Variants in MYO15A observed in about 807,000 individuals in gnomAD.
MYO15A encodes myosin XVA, also known as unconventional myosin-XV.
Under a neutral mutation model 394.6 loss-of-function variants are expected in MYO15A, and 308 were observed. The observed-to-expected ratio is 0.78, with a 90% CI of 0.71 to 0.86. The LOEUF (loss-of-function observed/expected upper bound fraction) is 0.86. MYO15A is among the 40% of genes least tolerant of loss of function. The pLI is 0.00. For synonymous variants in MYO15A, 1,957 were observed against 2,003.8 expected, an observed-to-expected ratio of 0.98 and a Z score of 0.62; for missense variants, 4,606 against 4,799.1, an observed-to-expected ratio of 0.96 and a Z score of 1.19.
chr17:18,122,576 C>G, intron 2 of MYO15A, 167 bp downstream of exon 2: 1 of 1,086,480 alleles, frequency 9.2e-7, no homozygotes, highest in African/African-American at 1.6e-5. Flanking sequence ...CCCAGAACCT[C>G]TGGAGGGTTG....
chr17:18,142,322 C>T (rs2046396866), intron 24 of MYO15A, 68 bp downstream of exon 24: 5 of 1,546,730 alleles, frequency 3.2e-6, no homozygotes, highest in African/African-American at 1.4e-5. Flanking sequence ...CACGCCTGAA[C>T]TTAGGTGGTG....
chr17:18,120,137 AG>A lies in MYO15A; in HGVS notation c.1341del (p.Thr448ProfsTer38). On this transcript the variant is annotated frameshift_variant, in exon 2 of 66. Coordinates refer to ENST00000647165, the MANE Select transcript of MYO15A (RefSeq NM_016239.4). LOFTEE classifies it high-confidence loss of function. ...EEPEDAGVER[Q>X]GTSFRLPSAA... is the part of the protein sequence containing the mutation. ...CCAGAGGACGCGGGCGTAGAGCGTC[AG>A]GGGACCTCCTTCCGCCTGCCCAGCG... 6.2e-6 allele frequency: 10 copies of A among 1,612,940 alleles called. No homozygotes were observed. The highest frequency in any genetic ancestry group is 8.5e-6 in the Non-Finnish European group (10 of 1,179,954).
At position 18,148,469 on chromosome 17, in the gene MYO15A, C is replaced by T; in HGVS notation, c.6692-27C>T. 1 of 1,551,518 alleles carries T rather than the reference C, an allele frequency of 6.4e-7. No homozygotes were observed. The highest frequency in any genetic ancestry group is 8.7e-7 in the Non-Finnish European group (1 of 1,147,004). The stretch of plus-strand genomic sequence containing the variant: ...CCAAACTGGACTCAGATGCTCCAAC[C>T]TGAGCCCGGCACCTGCTGCGCCCCA... On this transcript the variant is annotated intron_variant, in intron 31 of 65. Coordinates refer to ENST00000647165, the MANE Select transcript of MYO15A (RefSeq NM_016239.4). This position sits in a 1 kb window ranked among gnomAD's most constrained non-coding sequence, Gnocchi z 4.8.
At chr17:18,130,755 C>T in intron 7 of MYO15A, 50 bp from the exon 8 acceptor site, 4 of 1,610,706 alleles carry the variant, frequency 2.5e-6, no homozygotes, top group Non-Finnish European at 3.4e-6. Context: ...CTAGTGACTC[C>T]ATTCTGTTCT....
chr17:18,151,350 C>T (rs370931822), intron 39 of MYO15A, 45 bp from the exon 40 acceptor site: 1 of 1,614,070 alleles, frequency 6.2e-7, no homozygotes, highest in African/African-American at 1.3e-5. Context: ...TGTGGTTGTG[C>T]CCCTTGTGGC....
intron 11 of MYO15A, 149 bp from the exon 12 acceptor site, chr17:18,133,076 G>C: frequency 1.3e-6 from 1 of 788,824 alleles, no homozygotes; most frequent in South Asian, 1.5e-5. Flanking sequence ...GTCCTCAGCC[G>C]TGCTCAGAGC....
At position 18,156,241 on chromosome 17, in the gene MYO15A, G is replaced by T; in HGVS notation, c.8506G>T (p.Glu2836Ter). The T allele has an allele frequency of 6.2e-7, 1 of 1,614,172 alleles. No homozygotes were observed. Among genetic ancestry groups the T allele is most frequent in the Non-Finnish European group, 8.5e-7 (1 of 1,180,024 alleles). The stretch of plus-strand genomic sequence containing the variant: ...GACCATGCCCTCCCAGAACATGCTG[G>T]AGTTCAACCTGGCCAGTGAGAAGGT... ...FVTMPSQNML[E>*]FNLASEKVIL... The change falls in exon 48 of 66, where the codon GAG becomes TAG. Residue 2836 changes from glutamate (E) to a stop codon, truncating the protein, a stop_gained. Transcript: ENST00000647165. LOFTEE classifies it high-confidence loss of function.
At chr17:18,160,245 A>T (rs887703198) in intron 56 of MYO15A, among the ~76,000 whole-genome samples, 1 of 152,220 alleles carries the variant, frequency 6.6e-6, no homozygotes, top group Non-Finnish European at 1.5e-5. Flanking sequence ...GATAATGTGT[A>T]AGTCCAGATT....
chr17:18,143,589 G>T lies in MYO15A; in HGVS notation c.5934G>T (p.Gln1978His). ...YLKLRAEWRC[Q>H]VEGALLWEQE... ...AGCTGAGGGCAGAGTGGAGGTGCCA[G>T]GTGGAGGGGGCGCTGCTGTGGGAGC... Residue 1978 changes from glutamine (Q) to histidine (H), a missense_variant, in exon 26 of 66, where the codon CAG (glutamine) becomes CAT (histidine). Physicochemically the swap from Gln to His is conservative, Grantham distance 24. Transcript: ENST00000647165. The T allele has an allele frequency of 6.4e-7, 1 of 1,564,094 alleles. No individual in the cohort carries two copies. The highest frequency in any genetic ancestry group is 2.4e-5 in the East Asian group (1 of 42,210).
At chr17:18,138,664 C>A in intron 17 of MYO15A, 147 bp from the exon 18 acceptor site, 1 of 1,177,412 alleles carries the variant, frequency 8.5e-7, no homozygotes, top group Non-Finnish European at 1.2e-6. Context: ...GCCTTCTGAC[C>A]CAGGGAGATG....
intron 1 of MYO15A, among the ~76,000 whole-genome samples, chr17:18,113,501 A>G (rs185150947): frequency 2.4e-4 from 36 of 152,252 alleles, no homozygotes; most frequent in Non-Finnish European, 4.7e-4. Context: ...GCTCATGCCT[A>G]TAATCCCAGC....
intron 7 of MYO15A, among the ~76,000 whole-genome samples, chr17:18,127,795 G>A (rs921035688): frequency 6.8e-6 from 1 of 147,488 alleles, no homozygotes; most frequent in Non-Finnish European, 1.5e-5. Context: ...ACCCTTATGG[G>A]AACTTCATTC....
Position 18,143,829 on chromosome 17 carries a change from G to A in MYO15A, c.6046+33G>A, listed in dbSNP as rs547241569. 3.6e-5 allele frequency: 56 copies of A among 1,568,968 alleles called. No individual in the cohort carries two copies. In the South Asian group the frequency reaches 6.1e-4, roughly 17 times the overall value. On this transcript the variant is annotated intron_variant, in intron 27 of 65. Coordinates refer to ENST00000647165, the MANE Select transcript of MYO15A (RefSeq NM_016239.4). ...AGCACCAGGCGGGGGGAGGGCCCAG[G>A]CAGATCAGAGCAGGCACCGCATTCC...
At chr17:18,114,726 T>C (rs114719073) in intron 1 of MYO15A, among the ~76,000 whole-genome samples, 382 of 152,280 alleles carry the variant, frequency 2.5e-3, no homozygotes, top group African/African-American at 9.0e-3. Context: ...CCATCTGTCA[T>C]AGCAGTCCCG....
chr17:18,139,705 G>A (rs2046344892), intron 19 of MYO15A, 94 bp downstream of exon 19: 14 of 1,431,340 alleles, frequency 9.8e-6, no homozygotes, highest in South Asian at 2.4e-5. Flanking sequence ...GTGTTGCCAC[G>A]TCCTGGCTCC....
Position 18,147,527 on chromosome 17 carries a change from T to C in MYO15A, c.6510-502T>C, listed in dbSNP as rs2046503150. Among the ~76,000 whole-genome samples, 2 of 152,002 alleles carry C rather than the reference T, an allele frequency of 1.3e-5. No homozygotes were observed. The highest frequency in any genetic ancestry group is 4.8e-5 in the African/African-American group (2 of 41,376). On this transcript the variant is annotated intron_variant, in intron 30 of 65. Coordinates refer to ENST00000647165, the MANE Select transcript of MYO15A (RefSeq NM_016239.4). The surrounding 1 kb of genome is among the most constrained non-coding windows in gnomAD (Gnocchi z 4.4). Reference sequence around the variant, plus strand: ...TTGGGCTCATTGGGCCTGGGTTGAGTTGAACCCTCAGCTGTCCCTTTTATA... The same window carrying C: ...TTGGGCTCATTGGGCCTGGGTTGAGCTGAACCCTCAGCTGTCCCTTTTATA...
At chr17:18,164,083 C>T (rs776942737) in intron 60 of MYO15A, 1 of 561,082 alleles carries the variant, frequency 1.8e-6, no homozygotes, top group Non-Finnish European at 3.2e-6. Context: ...TCCCTTTGTC[C>T]CTCAGGACAT....
Position 18,161,341 on chromosome 17 carries a change from G to A in MYO15A, c.9411G>A (p.Arg3137=). 6 of 1,614,036 alleles carry A rather than the reference G, an allele frequency of 3.7e-6. No homozygotes were observed. The highest frequency in any genetic ancestry group is 5.1e-6 in the Non-Finnish European group (6 of 1,180,008). Residue 3137 remains arginine, a synonymous_variant, in exon 57 of 66, where the codon AGG becomes AGA. Transcript: ENST00000647165. Reference sequence around the variant, plus strand: ...GGGACAGCTGCCAGCGAGGCTGGAGGCTGCTGTATATCGTGACCGCCTACC... The same window carrying A: ...GGGACAGCTGCCAGCGAGGCTGGAGACTGCTGTATATCGTGACCGCCTACC... ...SKQDSCQRGW[R]LLYIVTAYHS...
chr17:18,141,764 C>T lies in MYO15A; in HGVS notation c.5643C>T (p.Val1881=), dbSNP rs1181079913. 1 of 1,614,022 alleles carries T rather than the reference C, an allele frequency of 6.2e-7. No homozygotes were observed. The highest frequency in any genetic ancestry group is 1.7e-5 in the Admixed American group (1 of 60,034). Residue 1881 remains valine (V), a synonymous_variant, in exon 23 of 66, where the codon GTC becomes GTT. Transcript: ENST00000647165. Reference sequence around the variant, plus strand: ...TGCCAAACATGTACCGTGTTGGGGTCAGCAAGGTGAGTCCTGCCCGACAGT... The same window carrying T: ...TGCCAAACATGTACCGTGTTGGGGTTAGCAAGGTGAGTCCTGCCCGACAGT... ...KVMPNMYRVG[V]SKLFLKEHLY... is the part of the protein sequence containing the mutation.
Sources: gnomAD v4.1 joint callset for allele counts (sites outside exome capture counted in the v4.1 genomes callset) on GRCh38, gnomAD v4.1.1 for gene constraint, Gnocchi (gnomAD v3.1) non-coding constraint, MANE v1.5 for transcripts, NCBI Gene and HGNC (gene_info 2026-07-23, HGNC 2026-07-21) for gene names.